The following SPATA31F3 variants were observed in gnomAD, a reference collection of about 807,000 sequenced individuals.
SPATA31F3 encodes the protein SPATA31 subfamily F member 3.
At chr9:34,895,108 G>C in the SPATA31F3 span, 1 of 398,532 alleles carries the variant, frequency 2.5e-6, no homozygotes. Flanking sequence ...ACATTAGAAT[G>C]CAAAGCTGCT....
chr9:34,892,910 A>G, the SPATA31F3 span: 1 of 691,524 alleles, frequency 1.4e-6, no homozygotes, highest in African/African-American at 1.8e-5. Flanking sequence ...TACAGATGCC[A>G]GTGAAAGCTC....
the SPATA31F3 span, chr9:34,895,095 A>C: frequency 2.5e-6 from 1 of 398,462 alleles, no homozygotes; most frequent in African/African-American, 2.1e-5. Context: ...CTTAAAGACA[A>C]AAACATTAGA....
the SPATA31F3 span, chr9:34,895,109 C>A: frequency 1.2e-4 from 49 of 398,532 alleles, no homozygotes; most frequent in African/African-American, 9.0e-4. Flanking sequence ...CATTAGAATG[C>A]AAAGCTGCTA....
the SPATA31F3 span, chr9:34,892,565 TG>T: frequency 2.4e-6 from 1 of 420,842 alleles, no homozygotes; most frequent in Non-Finnish European, 4.2e-6. Flanking sequence ...CAATAGCAGT[TG>T]GAAAGGAATG....
At chr9:34,890,939 AG>A in the SPATA31F3 span, among the ~76,000 whole-genome samples, 1 of 152,204 alleles carries the variant, frequency 6.6e-6, no homozygotes, top group Non-Finnish European at 1.5e-5. Flanking sequence ...AGCATGGCCC[AG>A]GACTTACACA....
chr9:34,895,237 A>G, the SPATA31F3 span, among the ~76,000 whole-genome samples: 7 of 152,092 alleles, frequency 4.6e-5, no homozygotes, highest in Non-Finnish European at 7.4e-5. Flanking sequence ...TTTCACCCCA[A>G]GAGTTTTCTT....
At chr9:34,890,227 G>T in the SPATA31F3 span, among the ~76,000 whole-genome samples, 1 of 152,342 alleles carries the variant, frequency 6.6e-6, no homozygotes, top group South Asian at 2.1e-4. Flanking sequence ...TTGGCAGAAA[G>T]GGTGTTCTCT....
chr9:34,889,174 A>G, the SPATA31F3 span: 1 of 398,652 alleles, frequency 2.5e-6, no homozygotes, highest in Non-Finnish European at 4.4e-6. Context: ...TCAGGAACCT[A>G]TGAACTCCTT....
the SPATA31F3 span, chr9:34,889,098 T>C: frequency 2.5e-6 from 1 of 398,500 alleles, no homozygotes. Flanking sequence ...ATTTGGAGAA[T>C]GCCCTGCTTC....
At chr9:34,895,184 T>C in the SPATA31F3 span, 1 of 397,882 alleles carries the variant, frequency 2.5e-6, no homozygotes, top group East Asian at 3.6e-5. Context: ...TTTTTCTGTG[T>C]TCCAATTTTA....
the SPATA31F3 span, chr9:34,892,939 C>T: frequency 1.5e-6 from 1 of 685,436 alleles, no homozygotes; most frequent in Non-Finnish European, 2.7e-6. Context: ...TCGGGGAGCC[C>T]AGATCCTGAC....
the SPATA31F3 span, chr9:34,892,845 G>C: frequency 1.4e-6 from 1 of 695,598 alleles, no homozygotes. Context: ...CCAGCTGACC[G>C]GGCAGCTGAC....
the SPATA31F3 span, chr9:34,893,188 G>T: frequency 2.1e-6 from 1 of 481,966 alleles, no homozygotes; most frequent in Non-Finnish European, 3.6e-6. Context: ...TAATGATGGA[G>T]TGACATCTGC....
the SPATA31F3 span, among the ~76,000 whole-genome samples, chr9:34,893,361 G>A: frequency 3.3e-5 from 5 of 152,122 alleles, no homozygotes; most frequent in Admixed American, 3.3e-4. Context: ...AGCACTTTGG[G>A]AGGCTGAGGT....
chr9:34,893,239 C>G, the SPATA31F3 span: 3 of 441,302 alleles, frequency 6.8e-6, no homozygotes, highest in East Asian at 9.8e-5. Context: ...ATTGTCCTTT[C>G]CCAGTCCTGA....
the SPATA31F3 span, among the ~76,000 whole-genome samples, chr9:34,891,199 CAG>C: frequency 6.6e-6 from 1 of 152,194 alleles, no homozygotes; most frequent in East Asian, 1.9e-4. Context: ...TGTCAGTATT[CAG>C]AGTGTCCTTT....
At chr9:34,893,916 G>T in the SPATA31F3 span, among the ~76,000 whole-genome samples, 1 of 152,254 alleles carries the variant, frequency 6.6e-6, no homozygotes, top group South Asian at 2.1e-4. Flanking sequence ...AGAGCTATTT[G>T]GTATCCCTGC....
the SPATA31F3 span, among the ~76,000 whole-genome samples, chr9:34,895,271 T>G: frequency 6.6e-6 from 1 of 152,148 alleles, no homozygotes; most frequent in Non-Finnish European, 1.5e-5. Flanking sequence ...TGACTCACTT[T>G]CACGCTCTTC....
the SPATA31F3 span, among the ~76,000 whole-genome samples, chr9:34,893,404 C>G: frequency 1.3e-5 from 2 of 152,034 alleles, no homozygotes; most frequent in African/African-American, 4.8e-5. Context: ...AGTTCGAGAT[C>G]AGCCTGGCCA....
Sources: gnomAD v4.1 joint callset for allele counts (sites outside exome capture counted in the v4.1 genomes callset) on GRCh38, gnomAD v4.1.1 for gene constraint, MANE v1.5 for transcripts, NCBI Gene and HGNC (gene_info 2026-07-23, HGNC 2026-07-21) for gene names.